The following SLCO2A1 variants were observed in gnomAD, a reference collection of about 807,000 sequenced individuals.
SLCO2A1 encodes solute carrier organic anion transporter family member 2A1, also known as matrin F/G 1.
A neutral mutation model predicts 71.7 loss-of-function variants in SLCO2A1; 60 were observed. The observed-to-expected ratio is 0.84, with a 90% confidence interval of 0.68 to 1.04. SLCO2A1 has a LOEUF of 1.04. SLCO2A1 is among the 50% of genes least tolerant of loss of function. The pLI is 0.00. For missense variants in SLCO2A1, 745 were observed against 813.4 expected, an observed-to-expected ratio of 0.92 and a Z score of 1.02; for synonymous variants, 308 against 326.7, an observed-to-expected ratio of 0.94 and a Z score of 0.62.
At chr3:133,944,108 T>A (rs1933503438) in intron 10 of SLCO2A1, among the ~76,000 whole-genome samples, 1 of 152,210 alleles carries the variant, frequency 6.6e-6, no homozygotes, top group African/African-American at 2.4e-5. Context: ...ATTCATGCCC[T>A]TGGGACTTGT....
rs1576427313 is a variant in SLCO2A1 at position 133,944,062 on chromosome 3, G to A, written c.1461+1033C>T. On this transcript the variant is annotated intron_variant, in intron 10 of 13. Transcript: ENST00000310926. ...ACACTCCTCCTACAGCACCAAGCCC[G>A]GCCTTTTCTCTTCTTTCCTACAGCA... is the stretch of plus-strand genomic sequence containing the variant. 3.9e-5 allele frequency among the ~76,000 whole-genome samples: 6 copies of A among 152,292 alleles called. No individual in the cohort carries two copies. In the Middle Eastern group the frequency reaches 0.01, roughly 259 times the overall value.
intron 3 of SLCO2A1, among the ~76,000 whole-genome samples, chr3:133,967,785 C>A (rs1322375806): frequency 6.6e-6 from 1 of 150,816 alleles, no homozygotes; most frequent in Non-Finnish European, 1.5e-5. Flanking sequence ...TCACCTACCA[C>A]CCCACATGCT....
Position 133,979,589 on chromosome 3 carries a change from C to G in SLCO2A1, c.126G>C (p.Gln42His), listed in dbSNP as rs561841509. 9 of 1,613,760 alleles carry G rather than the reference C, an allele frequency of 5.6e-6. No homozygotes were observed. In the African/African-American group the frequency reaches 1.2e-4, roughly 22 times the overall value. Residue 42 changes from glutamine (Q) to histidine (H), a missense_variant, in exon 2 of 14, where the codon CAG (glutamine) becomes CAC (histidine). Physicochemically the swap from Gln to His is conservative, Grantham distance 24. Coordinates refer to ENST00000310926, the MANE Select transcript of SLCO2A1 (RefSeq NM_005630.3). ...KVFVLCQGLL[Q>H]LCQLLYSAYF... ...AGGCGCTGTACAGGAGTTGGCAGAG[C>G]TGCAGGAGGCCTTGGCAGAGCACAA...
At chr3:133,992,068 G>A (rs1438660805) in intron 1 of SLCO2A1, among the ~76,000 whole-genome samples, 5 of 152,184 alleles carry the variant, frequency 3.3e-5, no homozygotes, top group African/African-American at 9.7e-5. Context: ...AGTCCTGACC[G>A]AATCGGACTT....
chr3:134,014,546 G>T lies in SLCO2A1; in HGVS notation c.96+15161C>A, dbSNP rs867948048. Among the ~76,000 whole-genome samples the T allele has an allele frequency of 2.0e-5, 3 of 152,200 alleles. No homozygotes were observed. The South Asian group carries it at 6.2e-4, about 32-fold the overall frequency. ...GGGCTGGGGATTACTCAAAGACAAT[G>T]CGGGTGCTTTCGCCAGGTTTCATAA... On this transcript the variant is annotated intron_variant, in intron 1 of 13. Transcript: ENST00000310926.
In SLCO2A1 at chr3:134,017,031, T is replaced by C. The variant is rs996543812; in HGVS notation, c.96+12676A>G. On this transcript the variant is annotated intron_variant, in intron 1 of 13. Transcript: ENST00000310926. ...ATTAGTGGTTACCAGGGGTTAGAGA[T>C]GGTAGTCACGGAAGCAAGGGGACGT... Among the ~76,000 whole-genome samples, 2 of 152,174 alleles carry C rather than the reference T, an allele frequency of 1.3e-5. 1 individual carries two copies. The highest frequency in any genetic ancestry group is 4.1e-4 in the South Asian group (2 of 4,830).
intron 1 of SLCO2A1, 127 bp downstream of exon 1, chr3:134,029,580 G>A (rs976410612): frequency 5.2e-5 from 34 of 655,062 alleles, no homozygotes; most frequent in Non-Finnish European, 8.5e-5. Context: ...GGATGAGATC[G>A]GAGCGCGGCA....
chr3:133,994,814 C>G (rs1934930118), intron 1 of SLCO2A1, among the ~76,000 whole-genome samples: 1 of 152,144 alleles, frequency 6.6e-6, no homozygotes, highest in Non-Finnish European at 1.5e-5. Context: ...AGTTCTTGCC[C>G]CGCTTCTTCC....
At chr3:133,954,471 T>C (rs973909634) in intron 4 of SLCO2A1, among the ~76,000 whole-genome samples, 41 of 152,186 alleles carry the variant, frequency 2.7e-4, no homozygotes, top group African/African-American at 9.4e-4. Flanking sequence ...CCAAAGTGGC[T>C]TGTTCGAAGG....
rs150276650 is a variant in SLCO2A1 at position 133,986,501 on chromosome 3, T to C, written c.97-6883A>G. On this transcript the variant is annotated intron_variant, in intron 1 of 13. Coordinates refer to ENST00000310926, the MANE Select transcript of SLCO2A1 (RefSeq NM_005630.3). ...AAACCCCACAGAGGACGAGCAACAT[T>C]CTTGCAGGGCAGGGAGGGCAGGAGG... 1.6e-3 allele frequency among the ~76,000 whole-genome samples: 249 copies of C among 152,268 alleles called. 1 individual carries two copies. The highest frequency in any genetic ancestry group is 5.8e-3 in the African/African-American group (242 of 41,548).
intron 1 of SLCO2A1, among the ~76,000 whole-genome samples, chr3:133,983,197 T>C (rs1274007906): frequency 6.6e-6 from 1 of 152,210 alleles, no homozygotes; most frequent in African/African-American, 2.4e-5. Flanking sequence ...TGGCTGGCTC[T>C]TTCTCCCTTG....
intron 4 of SLCO2A1, among the ~76,000 whole-genome samples, chr3:133,954,153 CTTTTTTTTTTTTTT>C (rs60871049): frequency 6.1e-4 from 37 of 60,922 alleles, no homozygotes; most frequent in African/African-American, 1.6e-3. Context: ...GTGGTGTGTT[CTTTTTTTTTTTTTT>C]TTTTTTTTTT....
At chr3:134,004,734 G>A (rs1278325170) in intron 1 of SLCO2A1, among the ~76,000 whole-genome samples, 1 of 152,162 alleles carries the variant, frequency 6.6e-6, no homozygotes, top group East Asian at 1.9e-4. Context: ...ATGGAGGAAG[G>A]GGCCACAAGC....
At chr3:133,945,558 A>G (rs756117174) in intron 9 of SLCO2A1, among the ~76,000 whole-genome samples, 1 of 152,120 alleles carries the variant, frequency 6.6e-6, no homozygotes, top group Non-Finnish European at 1.5e-5. Flanking sequence ...AAGACAACCA[A>G]CCACCCAGAA....
intron 1 of SLCO2A1, among the ~76,000 whole-genome samples, chr3:134,021,589 G>C (rs1238582602): frequency 1.3e-5 from 2 of 152,010 alleles, no homozygotes; most frequent in African/African-American, 2.4e-5. Flanking sequence ...AAAGGAAAGA[G>C]AGAAGAAAAG....
In SLCO2A1 at chr3:133,934,659, G is replaced by C; in HGVS notation, c.*54C>G. The C allele has an allele frequency of 8.4e-7, 1 of 1,184,688 alleles. No homozygotes were observed. Among genetic ancestry groups the C allele is most frequent in the Non-Finnish European group, 1.3e-6 (1 of 792,046 alleles). The allele number at this position is 1,184,688 out of a possible 1,614,324, so 73.4% of individuals were successfully genotyped here. ...TGTTAACATTAGTGAGTATAGGCAG[G>C]TGTGGAAGAGTCAAGGTCCACTCTC... On this transcript the variant is annotated 3_prime_UTR_variant, in exon 14 of 14. Coordinates refer to ENST00000310926, the MANE Select transcript of SLCO2A1 (RefSeq NM_005630.3).
intron 10 of SLCO2A1, 103 bp from the exon 11 acceptor site, chr3:133,942,871 C>G: frequency 1.6e-6 from 2 of 1,242,946 alleles, no homozygotes; most frequent in Non-Finnish European, 1.1e-6. Flanking sequence ...GAGGTTTCAA[C>G]CCTTGTGTCC....
In SLCO2A1 at chr3:133,953,654, C is replaced by T; in HGVS notation, c.724+9G>A. ...GGGATGGGAATGGGTGTCCTCTGCA[C>T]ATACTCACCTGTGTTGACCCTGCCA... On this transcript the variant is annotated intron_variant, in intron 5 of 13. Coordinates refer to ENST00000310926, the MANE Select transcript of SLCO2A1 (RefSeq NM_005630.3). 6.2e-7 allele frequency: 1 copy of T among 1,611,092 alleles called. No homozygotes were observed. The highest frequency in any genetic ancestry group is 1.1e-5 in the South Asian group (1 of 91,006).
chr3:133,951,273 C>G lies in SLCO2A1; in HGVS notation c.796G>C (p.Ala266Pro). The G allele has an allele frequency of 6.2e-7, 1 of 1,614,122 alleles. No homozygotes were observed. The highest frequency in any genetic ancestry group is 8.5e-7 in the Non-Finnish European group (1 of 1,180,028). ...GGGAAAGAGGTGAGAACCAATAAAG[C>G]TGAAGAAATGAGCAGGCCTAGCCAC... is the stretch of plus-strand genomic sequence containing the variant. ...AWWLGLLISS[A>P]LLVLTSFPFF... The change falls in exon 6 of 14, where the codon GCT becomes CCT. Residue 266 changes from alanine to proline, a missense_variant. Transcript: ENST00000310926.
Sources: allele counts gnomAD v4.1 joint callset (sites outside exome capture counted in the v4.1 genomes callset), GRCh38; gene constraint gnomAD v4.1.1; transcripts MANE v1.5; gene names NCBI Gene and HGNC (gene_info 2026-07-23, HGNC 2026-07-21).